The following SLC41A3 variants were observed in gnomAD, a reference collection of about 807,000 sequenced individuals.
SLC41A3 encodes the protein SLC41A1-like 2.
In SLC41A3, 44 loss-of-function variants were observed where a neutral mutation model predicts 45.4. That is an observed-to-expected ratio of 0.97 (90% confidence interval 0.76 to 1.25). SLC41A3 has a LOEUF of 1.25. Among genes scored for constraint, SLC41A3 ranks in the 50% most tolerant of loss-of-function variants. SLC41A3 has a pLI of 0.00. For missense variants in SLC41A3, 550 were observed against 600.6 expected (o/e 0.92, Z 0.88); for synonymous variants, 256 against 252.4 (o/e 1.01, Z -0.13).
chr3:126,093,201 C>A (rs1945523321), intron 1 of SLC41A3, among the ~76,000 whole-genome samples: 1 of 152,116 alleles, frequency 6.6e-6, no homozygotes, highest in African/African-American at 2.4e-5. Flanking sequence ...ACAAGCTATT[C>A]ATACTAAAAA....
At chr3:126,057,445 C>T (rs1285084040) in intron 2 of SLC41A3, among the ~76,000 whole-genome samples, 5 of 152,228 alleles carry the variant, frequency 3.3e-5, no homozygotes, top group African/African-American at 1.2e-4. Flanking sequence ...TCCACAGGCA[C>T]CAGGAACAGA....
chr3:126,008,921 G>A (rs769201887), intron 9 of SLC41A3, 41 bp from the exon 10 acceptor site: 13 of 1,606,546 alleles, frequency 8.1e-6, no homozygotes, highest in African/African-American at 1.3e-5. Context: ...GACCTGAAGC[G>A]AGGCCACTTT....
chr3:126,058,058 T>C (rs905537716), intron 2 of SLC41A3: 15 of 152,278 alleles, frequency 9.9e-5, no homozygotes, highest in Non-Finnish European at 2.2e-4. Flanking sequence ...GACCACGTGG[T>C]CACACATAGA....
intron 1 of SLC41A3, among the ~76,000 whole-genome samples, chr3:126,078,731 C>T (rs1945000261): frequency 6.6e-6 from 1 of 152,120 alleles, no homozygotes; most frequent in Admixed American, 6.5e-5. Context: ...AGGCCAGTGT[C>T]TCCCCTAGGC....
At chr3:126,016,603 T>G in intron 7 of SLC41A3, 128 bp downstream of exon 7, 2 of 1,195,932 alleles carry the variant, frequency 1.7e-6, no homozygotes, top group East Asian at 2.6e-5. Context: ...GCAATGGGAG[T>G]TACTGAAAGA....
At chr3:126,059,204 C>A (rs1943859316) in intron 2 of SLC41A3, among the ~76,000 whole-genome samples, 2 of 67,470 alleles carry the variant, frequency 3.0e-5, no homozygotes. Flanking sequence ...GCAGAACAAA[C>A]ACAGGTTATC....
chr3:126,100,960 G>A (rs980300831), intron 1 of SLC41A3, among the ~76,000 whole-genome samples: 5 of 152,178 alleles, frequency 3.3e-5, no homozygotes, highest in Non-Finnish European at 7.3e-5. Flanking sequence ...AGACATAAAC[G>A]TTCTCAAAGG....
chr3:126,077,489 C>T (rs925477873), intron 1 of SLC41A3, among the ~76,000 whole-genome samples: 1 of 152,180 alleles, frequency 6.6e-6, no homozygotes, highest in African/African-American at 2.4e-5. Flanking sequence ...TGTTTACCCA[C>T]ACAGACACAG....
At chr3:126,021,339 T>C (rs1444377927) in intron 6 of SLC41A3, among the ~76,000 whole-genome samples, 1 of 152,206 alleles carries the variant, frequency 6.6e-6, no homozygotes, top group Non-Finnish European at 1.5e-5. Context: ...TTTATTGAAG[T>C]GGTGCACATG....
intron 3 of SLC41A3, among the ~76,000 whole-genome samples, chr3:126,046,261 TAAA>T (rs1252132824): frequency 6.6e-6 from 1 of 151,210 alleles, no homozygotes; most frequent in Non-Finnish European, 1.5e-5. Context: ...AGGCAAGAAA[TAAA>T]AAAAGTAAAA....
intron 3 of SLC41A3, 50 bp downstream of exon 3, chr3:126,050,893 C>T (rs374510350): frequency 5.7e-5 from 90 of 1,567,110 alleles, no homozygotes; most frequent in Non-Finnish European, 7.6e-5. Flanking sequence ...GTGGTAGGGA[C>T]GCGCCTGCCT....
chr3:126,009,599 A>C (rs368234915), intron 9 of SLC41A3, among the ~76,000 whole-genome samples: 2 of 152,340 alleles, frequency 1.3e-5, no homozygotes, highest in African/African-American at 4.8e-5. Context: ...GTAGGTCTCC[A>C]TTTGCCTCTG....
chr3:126,056,560 C>T (rs1414483943), intron 2 of SLC41A3: 1 of 1,611,768 alleles, frequency 6.2e-7, no homozygotes, highest in Non-Finnish European at 8.5e-7. Context: ...CATGGCCAGG[C>T]AATGCACCAC....
chr3:126,073,997 A>G (rs1944756469), intron 1 of SLC41A3, among the ~76,000 whole-genome samples: 1 of 152,142 alleles, frequency 6.6e-6, no homozygotes, highest in African/African-American at 2.4e-5. Flanking sequence ...AATATAACCA[A>G]GTGGGATTTA....
chr3:126,013,473 G>T (rs1027861835), intron 8 of SLC41A3, among the ~76,000 whole-genome samples: 32 of 151,950 alleles, frequency 2.1e-4, no homozygotes, highest in East Asian at 1.8e-3. Context: ...TGAGGCAGGA[G>T]AATCACTTGA....
Position 126,036,652 on chromosome 3 carries a change from G to A in SLC41A3, c.382-2974C>T, listed in dbSNP as rs534992648. Among the ~76,000 whole-genome samples, 259 of 142,338 alleles carry A rather than the reference G, an allele frequency of 1.8e-3. 2 individuals carry two copies. The highest frequency in any genetic ancestry group is 5.8e-3 in the African/African-American group (234 of 40,206). 93.4% of individuals were successfully genotyped at this position (142,338 alleles called of 152,430 possible). On this transcript the variant is annotated intron_variant, in intron 3 of 10. Transcript: ENST00000360370. ...CTGAATGAACCCTTCCTGAAACTCC[G>A]CTCACTGCCCACCTGTATATCACCT... is the stretch of plus-strand genomic sequence containing the variant.
intron 2 of SLC41A3, among the ~76,000 whole-genome samples, chr3:126,062,257 G>A (rs763874630): frequency 3.9e-5 from 6 of 152,090 alleles, no homozygotes; most frequent in African/African-American, 1.2e-4. Context: ...ATCCAATACC[G>A]AATATTATTG....
chr3:126,060,630 T>C (rs929038054), intron 2 of SLC41A3, among the ~76,000 whole-genome samples: 8 of 152,216 alleles, frequency 5.3e-5, no homozygotes, highest in Non-Finnish European at 1.2e-4. Context: ...TGTAACTATA[T>C]AAGAAAAATG....
intron 3 of SLC41A3, among the ~76,000 whole-genome samples, chr3:126,046,061 A>AC (rs113984778): frequency 0.65 from 98,424 of 150,410 alleles, 33,209 homozygotes; most frequent in East Asian, 0.79. Flanking sequence ...AAAAAAAAAA[A>AC]ACACCCAACA....
Sources: gnomAD v4.1 joint callset for allele counts (sites outside exome capture counted in the v4.1 genomes callset) on GRCh38, gnomAD v4.1.1 for gene constraint, MANE v1.5 for transcripts, NCBI Gene and HGNC (gene_info 2026-07-23, HGNC 2026-07-21) for gene names.